SHANK2: variants seen among roughly 807,000 people sequenced by gnomAD.
The protein encoded by SHANK2 is SH3 and multiple ankyrin repeat domains protein 2.
Under a neutral mutation model 133.7 loss-of-function variants are expected in SHANK2, and 43 were observed. The observed-to-expected ratio is 0.32, with a 90% CI of 0.25 to 0.41. The LOEUF (loss-of-function observed/expected upper bound fraction) is 0.41. Among genes scored for constraint, SHANK2 ranks in the 10% least tolerant of loss-of-function variants. The probability of loss-of-function intolerance (pLI) is 1.00; values close to 1 mark genes in which losing one functional copy is unlikely to be tolerated. For missense variants in SHANK2, 1,994 were observed against 2,235.8 expected (o/e 0.89, Z 2.18); for synonymous variants, 1,017 against 952.8 (o/e 1.07, Z -1.24).
At chr11:70,790,124 A>T (rs1347620967) in intron 14 of SHANK2, among the ~76,000 whole-genome samples, 1 of 152,256 alleles carries the variant, frequency 6.6e-6, no homozygotes, top group African/African-American at 2.4e-5. Flanking sequence ...GTCAAGATAC[A>T]TCAACAGGGG....
chr11:71,167,889 A>G (rs1565491341), intron 2 of SHANK2, among the ~76,000 whole-genome samples: 1 of 137,810 alleles, frequency 7.3e-6, no homozygotes. Flanking sequence ...GGCGCCCCTC[A>G]CCTCCCGGAC....
At chr11:70,920,146 C>A (rs1950329678) in intron 10 of SHANK2, among the ~76,000 whole-genome samples, 1 of 152,184 alleles carries the variant, frequency 6.6e-6, no homozygotes, top group South Asian at 2.1e-4. Context: ...ATAGTGCATA[C>A]AGCATAATTA....
intron 14 of SHANK2, among the ~76,000 whole-genome samples, chr11:70,729,682 A>T (rs1253780024): frequency 6.7e-6 from 1 of 148,904 alleles, no homozygotes; most frequent in African/African-American, 2.5e-5. Context: ...CCGCTACCAC[A>T]CCCGGCTAAT....
chr11:71,198,098 AT>A (rs1344859384), intron 2 of SHANK2, among the ~76,000 whole-genome samples: 1 of 151,806 alleles, frequency 6.6e-6, no homozygotes, highest in East Asian at 1.9e-4. Context: ...TTGAGTTTGC[AT>A]TTTTGCCTTG....
chr11:70,874,936 A>G (rs1226328866), intron 11 of SHANK2, among the ~76,000 whole-genome samples: 1 of 152,196 alleles, frequency 6.6e-6, no homozygotes, highest in African/African-American at 2.4e-5. Flanking sequence ...GGCTGTAGCT[A>G]AGCCCACTCA....
chr11:70,785,804 G>C (rs1555046329), intron 14 of SHANK2, among the ~76,000 whole-genome samples: 1 of 152,148 alleles, frequency 6.6e-6, no homozygotes, highest in Admixed American at 6.5e-5. Context: ...CCCCCATCTC[G>C]GGCACCAGGC....
At chr11:70,866,429 T>C (rs1949360338) in intron 11 of SHANK2, among the ~76,000 whole-genome samples, 1 of 152,150 alleles carries the variant, frequency 6.6e-6, no homozygotes, top group Non-Finnish European at 1.5e-5. Flanking sequence ...AACGAGATGC[T>C]GCTGAAACAA....
chr11:70,899,126 T>C (rs541797577), intron 10 of SHANK2, among the ~76,000 whole-genome samples: 2 of 152,266 alleles, frequency 1.3e-5, no homozygotes, highest in South Asian at 4.1e-4. Context: ...AGCTGTGAGG[T>C]GAGATGGTTT....
intron 6 of SHANK2, among the ~76,000 whole-genome samples, chr11:71,099,559 A>G (rs782410086): frequency 4.6e-5 from 7 of 152,228 alleles, no homozygotes. Flanking sequence ...AGAGAGGCAG[A>G]AAATGTTTGT....
rs148253615 is a variant in SHANK2, at chr11:71,190,068, C to T, written c.-13+34629G>A. Among the ~76,000 whole-genome samples the T allele has an allele frequency of 2.6e-3, 402 of 152,334 alleles. 2 individuals carry two copies. The highest frequency in any genetic ancestry group is 9.0e-3 in the African/African-American group (373 of 41,572). Reference sequence around the variant, plus strand: ...GCAAGGAAGCCCCAAGTCATCCACACGTAGGTCGACCAACAGCAGAGACGT... The same window carrying T: ...GCAAGGAAGCCCCAAGTCATCCACATGTAGGTCGACCAACAGCAGAGACGT... On this transcript the variant is annotated intron_variant, in intron 2 of 25. Coordinates refer to ENST00000601538, the MANE Select transcript of SHANK2 (RefSeq NM_012309.5).
chr11:71,244,828 T>C (rs1182433763), intron 1 of SHANK2, among the ~76,000 whole-genome samples: 2 of 152,140 alleles, frequency 1.3e-5, no homozygotes, highest in Admixed American at 6.5e-5. Context: ...CTTAGCCTTC[T>C]GAGTAGCTGG....
intron 17 of SHANK2, among the ~76,000 whole-genome samples, chr11:70,632,283 G>C (rs1419672874): frequency 1.3e-5 from 2 of 152,034 alleles, no homozygotes; most frequent in Admixed American, 6.5e-5. Context: ...CATCACGCCC[G>C]GCTAATTTTT....
Position 71,175,202 on chromosome 11 carries a change from C to T in SHANK2, c.-12-27864G>A, listed in dbSNP as rs1337953654. Among the ~76,000 whole-genome samples, 5 of 152,144 alleles carry T rather than the reference C, an allele frequency of 3.3e-5. No individual in the cohort carries two copies. The highest frequency in any genetic ancestry group is 2.1e-4 in the South Asian group (1 of 4,826). On this transcript the variant is annotated intron_variant, in intron 2 of 25. Transcript: ENST00000601538. The surrounding 1 kb of genome is among the most constrained non-coding windows in gnomAD (Gnocchi z 4.2). The stretch of plus-strand genomic sequence containing the variant: ...CCCATCGTCTTCGCCAGTGCTTCCT[C>T]GGCACCTAGTCCAACTCAGCACAAG...
chr11:70,688,350 G>A (rs1945203435), intron 15 of SHANK2, among the ~76,000 whole-genome samples: 1 of 152,206 alleles, frequency 6.6e-6, no homozygotes, highest in Non-Finnish European at 1.5e-5. Context: ...CAAGTCAGGT[G>A]CTTGACGTCA....
At position 70,662,688 on chromosome 11, in the gene SHANK2, AT is replaced by A. The variant is rs112708188; in HGVS notation, c.1854-1011del. Reference sequence around the variant, plus strand: ...ACAACTGCTTGCCTCTAGCCATGGCATTTTTTTTTTTTAAGGAAAGAAACCA... The same window carrying A: ...ACAACTGCTTGCCTCTAGCCATGGCATTTTTTTTTTTAAGGAAAGAAACCA... On this transcript the variant is annotated intron_variant, in intron 15 of 25. Transcript: ENST00000601538. 3.4e-3 allele frequency among the ~76,000 whole-genome samples: 497 copies of A among 145,236 alleles called. 4 individuals are homozygous for A. The highest frequency in any genetic ancestry group is 0.03 in the East Asian group (152 of 5,010).
At chr11:71,065,404 T>TG (rs1951037416) in intron 9 of SHANK2, among the ~76,000 whole-genome samples, 1 of 37,836 alleles carries the variant, frequency 2.6e-5, no homozygotes, top group Non-Finnish European at 4.9e-5. Context: ...CTGGGGAAGT[T>TG]GTGGGGGGGT....
At chr11:70,555,686 A>C (rs1252462931) in intron 17 of SHANK2, among the ~76,000 whole-genome samples, 1 of 152,362 alleles carries the variant, frequency 6.6e-6, no homozygotes, top group African/African-American at 2.4e-5. Flanking sequence ...TGAATATGCC[A>C]CTGCATTCCA....
At chr11:70,712,542 G>A (rs1421790615) in intron 14 of SHANK2, among the ~76,000 whole-genome samples, 2 of 152,240 alleles carry the variant, frequency 1.3e-5, no homozygotes, top group Admixed American at 1.3e-4. Context: ...AACTATGAGG[G>A]TGGCAGAGAA....
chr11:70,649,306 G>C (rs1555009439), intron 17 of SHANK2, among the ~76,000 whole-genome samples: 1 of 152,206 alleles, frequency 6.6e-6, no homozygotes, highest in African/African-American at 2.4e-5. Flanking sequence ...AGATCCTGGG[G>C]AGAGGGAAGT....
Sources: allele counts gnomAD v4.1 joint callset (sites outside exome capture counted in the v4.1 genomes callset), GRCh38; gene constraint gnomAD v4.1.1; non-coding constraint Gnocchi (gnomAD v3.1); transcripts MANE v1.5; gene names NCBI Gene and HGNC (gene_info 2026-07-23, HGNC 2026-07-21).